The following SDCCAG8 variants were observed in gnomAD, a reference collection of about 807,000 sequenced individuals.
SDCCAG8 encodes SHH signaling and ciliogenesis regulator SDCCAG8, also known as serologically defined colon cancer antigen 8.
In SDCCAG8, 74 loss-of-function variants were observed where a neutral mutation model predicts 101.8. The observed-to-expected ratio is 0.73, with a 90% confidence interval of 0.60 to 0.88. The LOEUF is 0.88. Among genes scored for constraint, SDCCAG8 ranks in the 40% least tolerant of loss-of-function variants. SDCCAG8 has a pLI of 0.00. For missense variants in SDCCAG8, 787 were observed against 822.6 expected (o/e 0.96, Z 0.53); for synonymous variants, 281 against 292.9 (o/e 0.96, Z 0.41).
At chr1:243,419,607 G>T (rs2080847983) in intron 15 of SDCCAG8, among the ~76,000 whole-genome samples, 1 of 152,198 alleles carries the variant, frequency 6.6e-6, no homozygotes, top group Admixed American at 6.5e-5. Context: ...CTTGAGGCAG[G>T]AATTATTATC....
At chr1:243,304,269 G>A (rs2071854162) in intron 6 of SDCCAG8, among the ~76,000 whole-genome samples, 1 of 152,148 alleles carries the variant, frequency 6.6e-6, no homozygotes, top group African/African-American at 2.4e-5. Context: ...AAGAATAACT[G>A]GATACCAACA....
At chr1:243,456,053 C>G (rs577183704) in intron 16 of SDCCAG8, among the ~76,000 whole-genome samples, 2 of 152,284 alleles carry the variant, frequency 1.3e-5, no homozygotes, top group Non-Finnish European at 2.9e-5. Flanking sequence ...GCTGTGGGAG[C>G]TCAGAGCATG....
At chr1:243,323,714 C>G (rs1460429910) in intron 9 of SDCCAG8, among the ~76,000 whole-genome samples, 2 of 152,170 alleles carry the variant, frequency 1.3e-5, no homozygotes, top group Non-Finnish European at 2.9e-5. Flanking sequence ...CAAACTGTAG[C>G]CTGATTTTAT....
intron 1 of SDCCAG8, among the ~76,000 whole-genome samples, chr1:243,266,943 C>A (rs1235342158): frequency 4.6e-3 from 461 of 100,462 alleles, no homozygotes; most frequent in Middle Eastern, 7.6e-3. Flanking sequence ...AACTTCGTCT[C>A]AAAAAAAAAA....
At chr1:243,375,498 G>A (rs915776689) in intron 12 of SDCCAG8, among the ~76,000 whole-genome samples, 20 of 152,090 alleles carry the variant, frequency 1.3e-4, no homozygotes, top group Admixed American at 4.6e-4. Context: ...TTCCAAATTC[G>A]ATCCCCAGTA....
At chr1:243,401,606 C>T (rs2079401545) in intron 13 of SDCCAG8, among the ~76,000 whole-genome samples, 1 of 152,128 alleles carries the variant, frequency 6.6e-6, no homozygotes, top group Non-Finnish European at 1.5e-5. Context: ...GACCCAGGTA[C>T]ATAACTGAAC....
intron 12 of SDCCAG8, among the ~76,000 whole-genome samples, chr1:243,372,111 AG>A (rs1258884621): frequency 6.6e-6 from 1 of 152,102 alleles, no homozygotes; most frequent in Non-Finnish European, 1.5e-5. Context: ...TTTTCTCCCA[AG>A]TGATAGATTA....
intron 16 of SDCCAG8, among the ~76,000 whole-genome samples, chr1:243,471,035 C>G (rs944253871): frequency 1.3e-5 from 2 of 152,084 alleles, no homozygotes; most frequent in Non-Finnish European, 2.9e-5. Context: ...GCATGCTCTC[C>G]CCTCAGTCTG....
chr1:243,375,416 A>G (rs972146726), intron 12 of SDCCAG8, among the ~76,000 whole-genome samples: 17 of 152,144 alleles, frequency 1.1e-4, no homozygotes, highest in African/African-American at 3.6e-4. Context: ...GAAAGTTAAC[A>G]TATGCCCATG....
At chr1:243,360,148 T>C (rs1272017898) in intron 12 of SDCCAG8, among the ~76,000 whole-genome samples, 12 of 147,084 alleles carry the variant, frequency 8.2e-5, no homozygotes, top group African/African-American at 3.0e-4. Context: ...CAGTCTCTTT[T>C]TTTTTTTTTT....
At chr1:243,340,787 T>C (rs2075338269) in intron 10 of SDCCAG8, among the ~76,000 whole-genome samples, 1 of 152,246 alleles carries the variant, frequency 6.6e-6, no homozygotes, top group Non-Finnish European at 1.5e-5. Context: ...AACCAAAACC[T>C]TGACTTTATC....
At chr1:243,350,027 T>A (rs1238772899) in intron 12 of SDCCAG8, among the ~76,000 whole-genome samples, 1 of 152,168 alleles carries the variant, frequency 6.6e-6, no homozygotes, top group Non-Finnish European at 1.5e-5. Flanking sequence ...TGAGGGTTGC[T>A]CATATCTACA....
intron 16 of SDCCAG8, among the ~76,000 whole-genome samples, chr1:243,436,878 T>A (rs1184987334): frequency 6.6e-6 from 1 of 152,234 alleles, no homozygotes; most frequent in East Asian, 1.9e-4. Flanking sequence ...ATTAAACACC[T>A]ATCTGTGGAA....
intron 16 of SDCCAG8, among the ~76,000 whole-genome samples, chr1:243,440,234 C>T (rs547557510): frequency 6.6e-5 from 10 of 152,110 alleles, no homozygotes; most frequent in African/African-American, 1.7e-4. Context: ...GTGTACAAAA[C>T]GACGTATGTT....
At position 243,316,781 on chromosome 1, in the gene SDCCAG8, T is replaced by C. The variant is rs2073278611; in HGVS notation, c.956T>C (p.Leu319Pro). The C allele has an allele frequency of 6.2e-7, 1 of 1,614,198 alleles. No homozygotes were observed. Among genetic ancestry groups the C allele is most frequent in the East Asian group, 2.2e-5 (1 of 44,878 alleles). The change falls in exon 9 of 18, where the codon CTA becomes CCA. Residue 319 changes from leucine to proline, a missense_variant. Physicochemically the swap from Leu to Pro is moderately conservative, Grantham distance 98 (BLOSUM62 -3). Transcript: ENST00000366541. ...GAAAGAGATGACTTGATGTCTGCAC[T>C]AGTTTCCGTAAGGAGCAGCTTGGCA... ...VKERDDLMSA[L>P]VSVRSSLADT...
At chr1:243,466,058 G>A (rs139800715) in intron 16 of SDCCAG8, among the ~76,000 whole-genome samples, 65 of 152,288 alleles carry the variant, frequency 4.3e-4, no homozygotes, top group East Asian at 3.3e-3. Context: ...TGGTAAAAGC[G>A]TTGAAATAGC....
At chr1:243,414,968 TTC>T (rs1350604818) in intron 13 of SDCCAG8, among the ~76,000 whole-genome samples, 1 of 151,924 alleles carries the variant, frequency 6.6e-6, no homozygotes, top group African/African-American at 2.4e-5. Flanking sequence ...TTTAGGAAGT[TTC>T]TCTCTTTGGA....
intron 4 of SDCCAG8, among the ~76,000 whole-genome samples, chr1:243,284,244 T>A (rs948433266): frequency 6.6e-6 from 1 of 152,178 alleles, no homozygotes; most frequent in African/African-American, 2.4e-5. Context: ...AGCTTTTATG[T>A]TTATCTGGCT....
chr1:243,370,917 A>G (rs750601476), intron 12 of SDCCAG8, among the ~76,000 whole-genome samples: 1 of 152,162 alleles, frequency 6.6e-6, no homozygotes, highest in Non-Finnish European at 1.5e-5. Context: ...TTTTATTGGG[A>G]AGGCTGAAAG....
Sources: allele counts gnomAD v4.1 joint callset (sites outside exome capture counted in the v4.1 genomes callset), GRCh38; gene constraint gnomAD v4.1.1; transcripts MANE v1.5; gene names NCBI Gene and HGNC (gene_info 2026-07-23, HGNC 2026-07-21).